ST18: variants seen among roughly 807,000 people sequenced by gnomAD.
ST18 encodes ST18 C2H2C-type zinc finger transcription factor, also known as suppression of tumorigenicity 18 protein.
In ST18, 50 loss-of-function variants were observed where a neutral mutation model predicts 110.0. The observed-to-expected ratio is 0.45, with a 90% CI of 0.36 to 0.58. The LOEUF is 0.58. ST18 is among the 20% of genes least tolerant of loss of function. The pLI is 0.00. For synonymous variants in ST18, 461 were observed against 452.4 expected (o/e 1.02, Z -0.24); for missense variants, 1,306 against 1,280.1 (o/e 1.02, Z -0.31).
intron 2 of ST18, among the ~76,000 whole-genome samples, chr8:52,298,143 G>C (rs936366967): frequency 1.2e-4 from 19 of 152,176 alleles, no homozygotes; most frequent in African/African-American, 4.1e-4. Flanking sequence ...GGGACCCTAT[G>C]AGGCATTTTA....
chr8:52,345,923 A>G (rs1590109026), intron 2 of ST18, among the ~76,000 whole-genome samples: 1 of 152,282 alleles, frequency 6.6e-6, no homozygotes, highest in East Asian at 1.9e-4. Flanking sequence ...AATATATAAA[A>G]ACAAAGAAAA....
chr8:52,122,639 C>T (rs1002211003), intron 23 of ST18, among the ~76,000 whole-genome samples: 1 of 152,006 alleles, frequency 6.6e-6, no homozygotes, highest in Non-Finnish European at 1.5e-5. Flanking sequence ...CCTGCCACCA[C>T]ACTCAGCTAA....
At chr8:52,274,392 G>A (rs933525236) in intron 2 of ST18, among the ~76,000 whole-genome samples, 13 of 152,028 alleles carry the variant, frequency 8.6e-5, no homozygotes, top group African/African-American at 2.9e-4. Flanking sequence ...AGAAATATAT[G>A]TATATATGTA....
At chr8:52,365,128 G>A (rs554531757) in intron 2 of ST18, among the ~76,000 whole-genome samples, 135 of 150,298 alleles carry the variant, frequency 9.0e-4, no homozygotes, top group African/African-American at 3.2e-3. Context: ...AAAAAATAAA[G>A]AGAAAGTTCC....
intron 2 of ST18, among the ~76,000 whole-genome samples, chr8:52,297,032 G>A (rs926184607): frequency 2.6e-5 from 4 of 152,112 alleles, no homozygotes; most frequent in Admixed American, 1.3e-4. Flanking sequence ...AATAATGCAT[G>A]AGTCCCAGAA....
chr8:52,236,324 T>A (rs1041581549), intron 2 of ST18, among the ~76,000 whole-genome samples: 15 of 152,196 alleles, frequency 9.9e-5, no homozygotes, highest in African/African-American at 2.9e-4. Context: ...CAGAACTATA[T>A]CTGAACTGAA....
Position 52,126,124 on chromosome 8 carries a change from G to C in ST18, c.2683C>G (p.Leu895Val). ...CCCTTTTTGATAACTTGTGCATTGA[G>C]AGGACATCCAGATAAGCTGTGAAAA... ...VTHRSLSGCP[L>V]NAQVIKKGKV... The change falls in exon 23 of 26, where the codon CTC becomes GTC. Residue 895 changes from leucine to valine, a missense_variant. Transcript: ENST00000689386. 1.2e-6 allele frequency: 2 copies of C among 1,614,082 alleles called. No individual in the cohort carries two copies. Among genetic ancestry groups the C allele is most frequent in the Non-Finnish European group, 1.7e-6 (2 of 1,179,964 alleles).
intron 2 of ST18, among the ~76,000 whole-genome samples, chr8:52,391,077 A>T (rs1033133424): frequency 6.6e-6 from 1 of 152,062 alleles, no homozygotes; most frequent in African/African-American, 2.4e-5. Context: ...TCTATTGTGC[A>T]CTCGGCAAAG....
chr8:52,365,613 A>G (rs536342561), intron 2 of ST18, among the ~76,000 whole-genome samples: 1 of 152,162 alleles, frequency 6.6e-6, no homozygotes, highest in South Asian at 2.1e-4. Context: ...ATTTATGTCC[A>G]TGAGTATACT....
At position 52,288,594 on chromosome 8, in the gene ST18, G is replaced by A. The variant is rs1161016068; in HGVS notation, c.-464-58517C>T. On this transcript the variant is annotated intron_variant, in intron 2 of 25. Coordinates refer to ENST00000689386, the MANE Select transcript of ST18 (RefSeq NM_001352837.2). ...ACTCACCTATAATCCCAGCTACTTG[G>A]GAGGCTGGAGAATTGCTTGAACCTG... Among the ~76,000 whole-genome samples, 3 of 151,436 alleles carry A rather than the reference G, an allele frequency of 2.0e-5. No homozygotes were observed. In the East Asian group the frequency reaches 5.8e-4, roughly 29 times the overall value.
intron 2 of ST18, among the ~76,000 whole-genome samples, chr8:52,374,498 C>CTTTAT (rs1329572854): frequency 4.6e-5 from 7 of 152,164 alleles, no homozygotes; most frequent in African/African-American, 7.2e-5. Flanking sequence ...CCATTTTTTT[C>CTTTAT]TTTATTTTAT....
At chr8:52,407,432 G>A (rs1844897523) in intron 2 of ST18, 1 of 146,904 alleles carries the variant, frequency 6.8e-6, no homozygotes, top group Non-Finnish European at 1.5e-5. Flanking sequence ...CCACGAATCT[G>A]AATTTGTGAT....
At chr8:52,378,282 G>A (rs992480368) in intron 2 of ST18, among the ~76,000 whole-genome samples, 2 of 152,088 alleles carry the variant, frequency 1.3e-5, no homozygotes, top group Non-Finnish European at 2.9e-5. Flanking sequence ...AATGATACAT[G>A]TTTAAAGTAA....
chr8:52,190,177 T>C (rs182652733), intron 8 of ST18, among the ~76,000 whole-genome samples: 21 of 152,332 alleles, frequency 1.4e-4, no homozygotes, highest in East Asian at 1.9e-4. Flanking sequence ...AAATATTGTA[T>C]GGAATTAACT....
chr8:52,223,178 G>T (rs150053086), intron 3 of ST18, among the ~76,000 whole-genome samples: 2 of 152,140 alleles, frequency 1.3e-5, no homozygotes, highest in African/African-American at 4.8e-5. Flanking sequence ...TGAGTACTGC[G>T]CCTGAGAAAG....
chr8:52,197,201 A>G (rs1041643495), intron 8 of ST18, among the ~76,000 whole-genome samples: 1 of 152,232 alleles, frequency 6.6e-6, no homozygotes, highest in African/African-American at 2.4e-5. Context: ...TTACTCTTAA[A>G]CAAAAATAAC....
At chr8:52,151,118 T>C (rs879914122) in intron 15 of ST18, 9 of 152,182 alleles carry the variant, frequency 5.9e-5, no homozygotes, top group Non-Finnish European at 1.3e-4. Context: ...CTTTGAATAT[T>C]TAGCAAGATC....
chr8:52,367,236 T>TCACACACACACACACACACACACA lies in ST18; in HGVS notation c.-465+42068_-465+42091dup, dbSNP rs748933981. 1.7e-3 allele frequency among the ~76,000 whole-genome samples: 210 copies of TCACACACACACACACACACACACA among 120,252 alleles called. 3 individuals carry two copies. The highest frequency in any genetic ancestry group is 1.8e-3 in the Non-Finnish European group (103 of 58,452). The allele number at this position is 120,252 out of a possible 152,430, so 78.9% of individuals were successfully genotyped here. ...CTGGGTGACAGAGCGGGACCCTGTC[T>TCACACACACACACACACACACACA]CACACACACACACACACACACACAC... On this transcript the variant is annotated intron_variant, in intron 2 of 25. Transcript: ENST00000689386.
At chr8:52,343,006 T>C (rs575120894) in intron 2 of ST18, among the ~76,000 whole-genome samples, 1 of 152,250 alleles carries the variant, frequency 6.6e-6, no homozygotes, top group Admixed American at 6.5e-5. Flanking sequence ...TGGAAATACG[T>C]TGCCTACAGT....
Sources: allele counts gnomAD v4.1 joint callset (sites outside exome capture counted in the v4.1 genomes callset), GRCh38; gene constraint gnomAD v4.1.1; transcripts MANE v1.5; gene names NCBI Gene and HGNC (gene_info 2026-07-23, HGNC 2026-07-21).